Variants in CNTNAP2 observed in about 807,000 individuals in gnomAD.
The protein encoded by CNTNAP2 is contactin-associated protein-like 2.
CNTNAP2 carries 98 observed loss-of-function variants against 155.2 expected under a neutral mutation model. The ratio of observed to expected loss-of-function variants is 0.63; its 90% CI spans 0.54 to 0.75. The LOEUF (loss-of-function observed/expected upper bound fraction) is 0.75, where lower values mean the gene tolerates loss of function less well. Ranked by LOEUF, CNTNAP2 falls within the 30% of genes least tolerant of loss-of-function variation. The probability of loss-of-function intolerance (pLI) is 0.00; values close to 1 mark genes in which losing one functional copy is unlikely to be tolerated. For missense variants in CNTNAP2, 1,727 were observed against 1,688.1 expected (o/e 1.02, Z -0.40); for synonymous variants, 651 against 631.2 (o/e 1.03, Z -0.47).
intron 10 of CNTNAP2, among the ~76,000 whole-genome samples, chr7:147,481,314 A>G (rs1410601958): frequency 6.6e-6 from 1 of 152,240 alleles, no homozygotes; most frequent in Non-Finnish European, 1.5e-5. Flanking sequence ...TCCATAAACT[A>G]CCAAGTAAGC....
chr7:148,397,934 G>A (rs1799504482), intron 22 of CNTNAP2, among the ~76,000 whole-genome samples: 1 of 152,218 alleles, frequency 6.6e-6, no homozygotes, highest in Non-Finnish European at 1.5e-5. Flanking sequence ...AGACAACAAT[G>A]GAAGCATATT....
intron 3 of CNTNAP2, among the ~76,000 whole-genome samples, chr7:146,977,663 G>C (rs995880969): frequency 1.3e-5 from 2 of 152,122 alleles, no homozygotes; most frequent in African/African-American, 2.4e-5. Flanking sequence ...AATATGCATT[G>C]AAAAACTGGC....
chr7:148,357,639 G>A (rs898490137), intron 21 of CNTNAP2, among the ~76,000 whole-genome samples: 9 of 151,988 alleles, frequency 5.9e-5, no homozygotes, highest in Non-Finnish European at 8.8e-5. Flanking sequence ...ATTTTGCCTC[G>A]GTCAGTGTTT....
intron 13 of CNTNAP2, among the ~76,000 whole-genome samples, chr7:147,680,088 A>C (rs576529447): frequency 6.6e-6 from 1 of 151,988 alleles, no homozygotes; most frequent in South Asian, 2.1e-4. Flanking sequence ...TCTTTTACAA[A>C]CATCAAATAG....
intron 3 of CNTNAP2, among the ~76,000 whole-genome samples, chr7:146,936,568 G>A (rs1362270619): frequency 6.6e-6 from 1 of 152,136 alleles, no homozygotes; most frequent in Non-Finnish European, 1.5e-5. Context: ...AACTAACTGT[G>A]GCCTAAGAAG....
chr7:146,511,120 G>T (rs576796023), intron 1 of CNTNAP2, among the ~76,000 whole-genome samples: 1 of 152,188 alleles, frequency 6.6e-6, no homozygotes, highest in Non-Finnish European at 1.5e-5. Flanking sequence ...GGAAGGTCTT[G>T]ATCTCCTGAC....
At chr7:146,963,703 A>G (rs908401178) in intron 3 of CNTNAP2, among the ~76,000 whole-genome samples, 8 of 152,168 alleles carry the variant, frequency 5.3e-5, no homozygotes, top group African/African-American at 1.9e-4. Flanking sequence ...ATAGTGTTGA[A>G]AAATCGATTT....
chr7:146,863,237 T>C (rs1795139694), intron 3 of CNTNAP2, among the ~76,000 whole-genome samples: 1 of 152,128 alleles, frequency 6.6e-6, no homozygotes, highest in African/African-American at 2.4e-5. Flanking sequence ...TACTGAAAAG[T>C]TTAATGTTTT....
intron 8 of CNTNAP2, among the ~76,000 whole-genome samples, chr7:147,241,854 T>G (rs1321683134): frequency 1.3e-5 from 2 of 152,162 alleles, no homozygotes; most frequent in Non-Finnish European, 2.9e-5. Flanking sequence ...GATGTTTTAG[T>G]GTAAGTATGG....
At chr7:146,999,776 G>A (rs1798387281) in intron 3 of CNTNAP2, among the ~76,000 whole-genome samples, 1 of 151,886 alleles carries the variant, frequency 6.6e-6, no homozygotes, top group African/African-American at 2.4e-5. Flanking sequence ...GTCATTTGTG[G>A]TTTGCTTCTT....
At chr7:147,515,186 A>G (rs1014616144) in intron 11 of CNTNAP2, among the ~76,000 whole-genome samples, 7 of 151,806 alleles carry the variant, frequency 4.6e-5, no homozygotes, top group African/African-American at 1.5e-4. Flanking sequence ...AGATCCATCA[A>G]CTCCATCCAG....
intron 1 of CNTNAP2, among the ~76,000 whole-genome samples, chr7:146,713,345 A>T (rs1187088609): frequency 6.6e-6 from 1 of 152,156 alleles, no homozygotes; most frequent in Admixed American, 6.6e-5. Flanking sequence ...CATTTGCACT[A>T]AATGGTCAAT....
At chr7:146,940,548 T>C (rs978695280) in intron 3 of CNTNAP2, among the ~76,000 whole-genome samples, 2 of 152,064 alleles carry the variant, frequency 1.3e-5, no homozygotes, top group Admixed American at 6.5e-5. Context: ...TAATAAATTA[T>C]GTGTTTGCTG....
At chr7:147,036,240 AT>A (rs1375094136) in intron 3 of CNTNAP2, among the ~76,000 whole-genome samples, 1 of 152,162 alleles carries the variant, frequency 6.6e-6, no homozygotes, top group Admixed American at 6.5e-5. Flanking sequence ...AGCCTAAAAT[AT>A]TTACTGTCTG....
intron 13 of CNTNAP2, among the ~76,000 whole-genome samples, chr7:147,642,500 G>T (rs2116929403): frequency 6.6e-6 from 1 of 151,530 alleles, no homozygotes; most frequent in African/African-American, 2.4e-5. Flanking sequence ...CTTCCCCTCG[G>T]CCACCGTGAA....
At chr7:146,486,019 C>T (rs1433935505) in intron 1 of CNTNAP2, among the ~76,000 whole-genome samples, 1 of 136,656 alleles carries the variant, frequency 7.3e-6, no homozygotes, top group Non-Finnish European at 1.6e-5. Flanking sequence ...TACAAGGAAA[C>T]CAAAAATGTA....
chr7:147,108,251 T>A lies in CNTNAP2; in HGVS notation c.655T>A (p.Ser219Thr). 6.2e-7 allele frequency: 1 copy of A among 1,613,716 alleles called. No individual in the cohort carries two copies. ...KDVIALNFKTSESEGVILHGE... is the reference protein window; with the variant it reads ...KDVIALNFKTTESEGVILHGE... Reference sequence around the variant, plus strand: ...TGTCATTGCCTTGAACTTTAAGACGTCTGAAAGTGAAGGAGTAATCCTGCA... The same window carrying A: ...TGTCATTGCCTTGAACTTTAAGACGACTGAAAGTGAAGGAGTAATCCTGCA... The change falls in exon 5 of 24, where the codon TCT becomes ACT. Residue 219 changes from serine to threonine, a missense_variant. Transcript: ENST00000361727.
chr7:148,070,780 A>C (rs1803365996), intron 15 of CNTNAP2, among the ~76,000 whole-genome samples: 1 of 152,188 alleles, frequency 6.6e-6, no homozygotes. Flanking sequence ...TAATTCTGAC[A>C]CCAAAATAAT....
chr7:146,572,563 CA>C (rs1798458857), intron 1 of CNTNAP2, among the ~76,000 whole-genome samples: 1 of 152,182 alleles, frequency 6.6e-6, no homozygotes, highest in African/African-American at 2.4e-5. Flanking sequence ...ATACTATGGA[CA>C]TCCCAATGTT....
Sources: allele counts gnomAD v4.1 joint callset (sites outside exome capture counted in the v4.1 genomes callset), GRCh38; gene constraint gnomAD v4.1.1; transcripts MANE v1.5; gene names NCBI Gene and HGNC (gene_info 2026-07-23, HGNC 2026-07-21).